The following GPR161 variants were observed in gnomAD, a reference collection of about 807,000 sequenced individuals.
The protein encoded by GPR161 is G-protein coupled receptor RE2.
In GPR161, 25 loss-of-function variants were observed where a neutral mutation model predicts 39.2. The observed-to-expected ratio is 0.64, with a 90% CI of 0.47 to 0.89. The LOEUF is 0.89. Among genes scored for constraint, GPR161 ranks in the 40% least tolerant of loss-of-function variants. GPR161 has a pLI of 0.00. For missense variants in GPR161, 547 were observed against 677.8 expected (o/e 0.81, Z 2.14); for synonymous variants, 286 against 276.6 (o/e 1.03, Z -0.34).
At chr1:168,096,159 A>AG (rs1270189166) in intron 3 of GPR161, among the ~76,000 whole-genome samples, 2 of 137,006 alleles carry the variant, frequency 1.5e-5, no homozygotes, top group Admixed American at 7.0e-5. Flanking sequence ...AAAAAAAAAA[A>AG]AGAGAGAGAG....
At chr1:168,129,704 T>C (rs1698845333) in intron 1 of GPR161, among the ~76,000 whole-genome samples, 1 of 152,166 alleles carries the variant, frequency 6.6e-6, no homozygotes, top group South Asian at 2.1e-4. Context: ...ATTTTACAGA[T>C]GACAAAATGA....
intron 1 of GPR161, among the ~76,000 whole-genome samples, chr1:168,110,609 C>A (rs1169361414): frequency 7.0e-6 from 1 of 142,810 alleles, no homozygotes; most frequent in Non-Finnish European, 1.6e-5. Context: ...GACAATAAAA[C>A]CAATACAAGT....
At chr1:168,105,586 G>A (rs778007485) in intron 1 of GPR161, among the ~76,000 whole-genome samples, 1 of 152,162 alleles carries the variant, frequency 6.6e-6, no homozygotes, top group Non-Finnish European at 1.5e-5. Flanking sequence ...ATATGGGGAC[G>A]TCATTACTGT....
At chr1:168,086,235 C>A (rs926484708) in intron 5 of GPR161, among the ~76,000 whole-genome samples, 11 of 152,138 alleles carry the variant, frequency 7.2e-5, no homozygotes, top group African/African-American at 2.4e-4. Flanking sequence ...ACCCTAATGT[C>A]ATCTCTCTCC....
Position 168,082,075 on chromosome 1 carries a change from C to G in GPR161, c.*3456G>C, listed in dbSNP as rs1382671888. The G allele has an allele frequency of 1.3e-5, 2 of 152,234 alleles. No individual in the cohort carries two copies. Among genetic ancestry groups the G allele is most frequent in the Non-Finnish European group, 2.9e-5 (2 of 68,046 alleles). 9.4% of individuals were successfully genotyped at this position (152,234 alleles called of 1,614,324 possible). On this transcript the variant is annotated 3_prime_UTR_variant, in exon 6 of 6. Coordinates refer to ENST00000682931, the MANE Select transcript of GPR161 (RefSeq NM_001375883.1). ...TTTTTCCTCCGTCTCCTGTCTCAACCCAAATTCCTTAGCCTATCTATTGCA... is the reference window on the plus strand; with the variant it reads ...TTTTTCCTCCGTCTCCTGTCTCAACGCAAATTCCTTAGCCTATCTATTGCA...
chr1:168,100,111 G>C (rs996725830), intron 2 of GPR161, among the ~76,000 whole-genome samples: 2 of 151,080 alleles, frequency 1.3e-5, no homozygotes, highest in Admixed American at 1.3e-4. Flanking sequence ...AGGCTGAGGT[G>C]GAAGAAGGAT....
intron 1 of GPR161, among the ~76,000 whole-genome samples, chr1:168,113,312 A>C (rs969122259): frequency 6.6e-6 from 1 of 152,142 alleles, no homozygotes; most frequent in Non-Finnish European, 1.5e-5. Flanking sequence ...ATCTAGACAA[A>C]GGTTTTAATA....
intron 1 of GPR161, among the ~76,000 whole-genome samples, chr1:168,118,000 A>C (rs1389693677): frequency 6.6e-6 from 1 of 151,466 alleles, no homozygotes; most frequent in Non-Finnish European, 1.5e-5. Flanking sequence ...ACAAACAAAT[A>C]AGTGGGGTAG....
At chr1:168,085,901 C>T (rs918553879) in intron 5 of GPR161, 105 bp from the exon 6 acceptor site, 21 of 977,624 alleles carry the variant, frequency 2.1e-5, no homozygotes, top group Admixed American at 1.3e-4. Context: ...GGAGACAAAC[C>T]GCAGTTAAGG....
At chr1:168,094,527 C>G (rs1190335430) in intron 3 of GPR161, among the ~76,000 whole-genome samples, 3 of 152,162 alleles carry the variant, frequency 2.0e-5, no homozygotes, top group African/African-American at 4.8e-5. Context: ...TGAAATAAAT[C>G]AGTGATGCCA....
chr1:168,087,861 C>A (rs1694695674), intron 4 of GPR161, 157 bp from the exon 5 acceptor site: 2 of 657,494 alleles, frequency 3.0e-6, no homozygotes, highest in Admixed American at 3.4e-5. Flanking sequence ...CAAGAAACAC[C>A]CGCCTGTCAT....
chr1:168,096,635 A>C lies in GPR161; in HGVS notation c.972T>G (p.Tyr324Ter). Residue 324 changes from tyrosine to a stop codon, truncating the protein, a stop_gained, in exon 3 of 6, where the codon TAT (tyrosine) becomes TAG (stop). Coordinates refer to ENST00000682931, the MANE Select transcript of GPR161 (RefSeq NM_001375883.1). LOFTEE classifies it high-confidence loss of function. ...FASAVCHPLI[Y>*]GLWNKTVRKE... Reference sequence around the variant, plus strand: ...TGCGAACTGTCTTGTTCCAGAGTCCATAGATCAGGGGGTGGCAGACAGCGC... The same window carrying C: ...TGCGAACTGTCTTGTTCCAGAGTCCCTAGATCAGGGGGTGGCAGACAGCGC... 1 of 1,614,206 alleles carries C rather than the reference A, an allele frequency of 6.2e-7. No homozygotes were observed. The highest frequency in any genetic ancestry group is 8.5e-7 in the Non-Finnish European group (1 of 1,180,036).
chr1:168,119,202 ATATATATG>A (rs144826143), intron 1 of GPR161, among the ~76,000 whole-genome samples: 90 of 118,030 alleles, frequency 7.6e-4, no homozygotes, highest in African/African-American at 1.4e-3. Context: ...CATCATATAT[ATATATATG>A]TATACATATA....
At chr1:168,087,031 T>C (rs1364963583) in intron 5 of GPR161, among the ~76,000 whole-genome samples, 1 of 152,192 alleles carries the variant, frequency 6.6e-6, no homozygotes, top group Non-Finnish European at 1.5e-5. Context: ...CATGTCTGGA[T>C]GGGAAACGAA....
chr1:168,106,039 C>T (rs1487222075), intron 1 of GPR161, among the ~76,000 whole-genome samples: 1 of 152,150 alleles, frequency 6.6e-6, no homozygotes, highest in Non-Finnish European at 1.5e-5. Context: ...ATAGGGCAGC[C>T]CTTCCCCTCA....
At chr1:168,130,354 G>A (rs1558142072) in intron 1 of GPR161, among the ~76,000 whole-genome samples, 1 of 152,278 alleles carries the variant, frequency 6.6e-6, no homozygotes, top group East Asian at 1.9e-4. Flanking sequence ...TGAAACAGCT[G>A]GGAGAAGGAC....
In GPR161 at chr1:168,096,612, C is replaced by T. The variant is rs779202531; in HGVS notation, c.995G>A (p.Arg332His). The T allele has an allele frequency of 1.4e-5, 22 of 1,614,184 alleles. No individual in the cohort carries two copies. Among genetic ancestry groups the T allele is most frequent in the Middle Eastern group, 1.6e-4 (1 of 6,062 alleles). Residue 332 changes from arginine to histidine, a missense_variant, in exon 3 of 6, where the codon CGC (arginine) becomes CAC (histidine). Coordinates refer to ENST00000682931, the MANE Select transcript of GPR161 (RefSeq NM_001375883.1). ...LIYGLWNKTV[R>H]KELLGMCFGD... ...AAAGCACATGCCCAGTAGTTCTTTG[C>T]GAACTGTCTTGTTCCAGAGTCCATA...
At chr1:168,087,853 A>T (rs1018292674) in intron 4 of GPR161, 149 bp from the exon 5 acceptor site, 1 of 698,036 alleles carries the variant, frequency 1.4e-6, no homozygotes, top group Non-Finnish European at 2.3e-6. Context: ...CACGTGCCCA[A>T]GAAACACCCG....
intron 1 of GPR161, chr1:168,135,938 G>T: frequency 2.6e-6 from 2 of 769,846 alleles, no homozygotes; most frequent in South Asian, 1.3e-4. Flanking sequence ...GTGATATAAA[G>T]CGATGCCAAT....
Sources: gnomAD v4.1 joint callset for allele counts (sites outside exome capture counted in the v4.1 genomes callset) on GRCh38, gnomAD v4.1.1 for gene constraint, MANE v1.5 for transcripts, NCBI Gene and HGNC (gene_info 2026-07-23, HGNC 2026-07-21) for gene names.